Variants in NAPEPLD observed in about 807,000 individuals in gnomAD.
The protein encoded by NAPEPLD is N-acyl phosphatidylethanolamine phospholipase D, also known as N-acyl-phosphatidylethanolamine-hydrolyzing phospholipase D.
A neutral mutation model predicts 38.1 loss-of-function variants in NAPEPLD; 23 were observed. That is an observed-to-expected ratio of 0.60 (90% CI 0.43 to 0.86). The LOEUF (loss-of-function observed/expected upper bound fraction) is 0.86, where lower values mean the gene tolerates loss of function less well. NAPEPLD is among the 40% of genes least tolerant of loss of function. NAPEPLD has a pLI of 0.00. For synonymous variants in NAPEPLD, 147 were observed against 162.0 expected (o/e 0.91, Z 0.71); for missense variants, 411 against 476.8 (o/e 0.86, Z 1.28).
rs762591568 is a variant in NAPEPLD, at chr7:103,115,171, C to T, written c.945G>A (p.Trp315Ter). 1 of 1,608,426 alleles carries T rather than the reference C, an allele frequency of 6.2e-7. No homozygotes were observed. Among genetic ancestry groups the T allele is most frequent in the Non-Finnish European group, 8.5e-7 (1 of 1,176,762 alleles). ...GGTCTACATGCTGGTATTTCATAAACCACCTGAAGAAACATGGCAATTTCT... is the reference window on the plus strand; with the variant it reads ...GGTCTACATGCTGGTATTTCATAAATCACCTGAAGAAACATGGCAATTTCT... ...AIPIGAYEPRWFMKYQHVDPE... is the reference protein window; with the variant it reads ...AIPIGAYEPR The change falls in exon 4 of 5, where the codon TGG becomes TGA. Residue 315 changes from tryptophan to a stop codon, truncating the protein, a stop_gained. Coordinates refer to ENST00000465647, the MANE Select transcript of NAPEPLD (RefSeq NM_001122838.3). LOFTEE classifies it high-confidence loss of function.
chr7:103,143,515 A>T (rs998436725), intron 1 of NAPEPLD, among the ~76,000 whole-genome samples: 10 of 152,212 alleles, frequency 6.6e-5, no homozygotes, highest in African/African-American at 2.4e-4. Flanking sequence ...CACTTTGAAC[A>T]ATGTGATACG....
intron 1 of NAPEPLD, among the ~76,000 whole-genome samples, chr7:103,145,888 A>T (rs368975268): frequency 4.2e-5 from 1 of 23,798 alleles, no homozygotes; most frequent in African/African-American, 7.8e-5. Flanking sequence ...CTTCAAGTTT[A>T]AAAAAAAAAA....
intron 1 of NAPEPLD, among the ~76,000 whole-genome samples, chr7:103,135,312 C>G (rs147380063): frequency 6.6e-6 from 1 of 152,156 alleles, no homozygotes; most frequent in African/African-American, 2.4e-5. Context: ...AATGAAACTA[C>G]GTCAATTCAC....
chr7:103,144,422 A>T (rs567078106), intron 1 of NAPEPLD, among the ~76,000 whole-genome samples: 1 of 152,330 alleles, frequency 6.6e-6, no homozygotes, highest in Admixed American at 6.5e-5. Flanking sequence ...AGAAGGTTTC[A>T]AATGCTATAA....
intron 3 of NAPEPLD, among the ~76,000 whole-genome samples, chr7:103,116,350 C>T (rs1218647385): frequency 6.6e-6 from 1 of 152,112 alleles, no homozygotes; most frequent in Non-Finnish European, 1.5e-5. Context: ...CGTGAGCCAC[C>T]GCGCCCAGCT....
At chr7:103,136,266 C>CA (rs1308577774) in intron 1 of NAPEPLD, among the ~76,000 whole-genome samples, 339 of 144,966 alleles carry the variant, frequency 2.3e-3, no homozygotes, top group Middle Eastern at 0.011. Flanking sequence ...GACCCCACCT[C>CA]AAAAAAAAAA....
chr7:103,103,574 A>C lies in NAPEPLD; in HGVS notation c.1057-20T>G. 1 of 1,565,568 alleles carries C rather than the reference A, an allele frequency of 6.4e-7. No individual in the cohort carries two copies. Among genetic ancestry groups the C allele is most frequent in the Non-Finnish European group, 8.6e-7 (1 of 1,166,894 alleles). On this transcript the variant is annotated intron_variant, in intron 4 of 4. Transcript: ENST00000465647. ...GTAATGCTGGCCAAAGAGAAAGAAG[A>C]AAAATAGAAAAAGATTAAACATATA...
At chr7:103,144,291 G>C (rs955733631) in intron 1 of NAPEPLD, among the ~76,000 whole-genome samples, 1 of 152,064 alleles carries the variant, frequency 6.6e-6, no homozygotes, top group Non-Finnish European at 1.5e-5. Flanking sequence ...CTTTTCTTTT[G>C]TTTTGTTTTT....
intron 1 of NAPEPLD, among the ~76,000 whole-genome samples, chr7:103,131,319 AGG>A (rs1176873832): frequency 5.9e-5 from 9 of 152,198 alleles, no homozygotes; most frequent in Admixed American, 4.6e-4. Flanking sequence ...ACATCAAAAT[AGG>A]GTTTTGAACA....
intron 3 of NAPEPLD, 189 bp from the exon 4 acceptor site, chr7:103,115,363 G>A (rs888921297): frequency 4.4e-6 from 2 of 453,976 alleles, no homozygotes; most frequent in Non-Finnish European, 7.7e-6. Context: ...CCAGGTCAAG[G>A]CTAGATTGTA....
intron 1 of NAPEPLD, among the ~76,000 whole-genome samples, chr7:103,132,394 G>C (rs945579415): frequency 1.3e-5 from 2 of 152,138 alleles, no homozygotes; most frequent in African/African-American, 4.8e-5. Flanking sequence ...TAAGACTTGA[G>C]AGTATTTGGA....
At chr7:103,144,101 G>A (rs1039371484) in intron 1 of NAPEPLD, among the ~76,000 whole-genome samples, 15 of 152,340 alleles carry the variant, frequency 9.8e-5, no homozygotes, top group African/African-American at 3.6e-4. Context: ...AAGCAATAAA[G>A]TTGTTAACAG....
At chr7:103,107,751 T>C (rs1175895823) in intron 4 of NAPEPLD, among the ~76,000 whole-genome samples, 1 of 45,868 alleles carries the variant, frequency 2.2e-5, no homozygotes. Flanking sequence ...TGTGACTATG[T>C]GAAAAGACCA....
intron 1 of NAPEPLD, chr7:103,129,172 G>A (rs557258369): frequency 3.3e-6 from 1 of 307,482 alleles, no homozygotes; most frequent in South Asian, 1.3e-4. Context: ...GGCTGAGGCA[G>A]GAGAATCGCT....
intron 2 of NAPEPLD, among the ~76,000 whole-genome samples, chr7:103,124,182 G>A (rs1807274262): frequency 6.6e-6 from 1 of 151,956 alleles, no homozygotes. Flanking sequence ...TAATAGACCA[G>A]GCACAGTGGC....
At chr7:103,105,053 T>G (rs1803029067) in intron 4 of NAPEPLD, among the ~76,000 whole-genome samples, 1 of 152,216 alleles carries the variant, frequency 6.6e-6, no homozygotes, top group Admixed American at 6.5e-5. Flanking sequence ...TTAATCTGCC[T>G]AGATTTAGCA....
intron 3 of NAPEPLD, among the ~76,000 whole-genome samples, chr7:103,116,739 G>A (rs979149555): frequency 1.3e-5 from 2 of 152,318 alleles, no homozygotes; most frequent in African/African-American, 2.4e-5. Context: ...TGGGAAGAGC[G>A]AGGGCTCAGG....
chr7:103,145,842 C>T (rs1812435750), intron 1 of NAPEPLD, among the ~76,000 whole-genome samples: 4 of 151,350 alleles, frequency 2.6e-5, no homozygotes, highest in Admixed American at 2.6e-4. Context: ...ATAAATGACA[C>T]ATTTTACTTT....
At position 103,119,674 on chromosome 7, in the gene NAPEPLD, C is replaced by T. The variant is rs532713419; in HGVS notation, c.844G>A (p.Ala282Thr). The T allele has an allele frequency of 3.8e-5, 62 of 1,613,828 alleles. No individual in the cohort carries two copies. The highest frequency in any genetic ancestry group is 3.8e-4 in the East Asian group (17 of 44,886). ...VLGPWNRFFF[A>T]GDTGYCPAFE... ...GCAGGGCAATAACCAGTATCTCCTG[C>T]GAAAAAAAATCGATTCCAAGGCCCC... is the stretch of plus-strand genomic sequence containing the variant. The change falls in exon 3 of 5, where the codon GCA becomes ACA. Residue 282 changes from alanine (A) to threonine (T), a missense_variant. By Grantham distance (58) the Ala-to-Thr change is moderately conservative. Coordinates refer to ENST00000465647, the MANE Select transcript of NAPEPLD (RefSeq NM_001122838.3).
Sources: allele counts gnomAD v4.1 joint callset (sites outside exome capture counted in the v4.1 genomes callset), GRCh38; gene constraint gnomAD v4.1.1; transcripts MANE v1.5; gene names NCBI Gene and HGNC (gene_info 2026-07-23, HGNC 2026-07-21).